SCN2A: variants seen among roughly 807,000 people sequenced by gnomAD.
SCN2A encodes sodium channel protein type 2 subunit alpha.
In SCN2A, 20 loss-of-function variants were observed where a neutral mutation model predicts 188.7. The observed-to-expected ratio is 0.11, with a 90% CI of 0.07 to 0.15. The LOEUF is 0.15. Ranked by LOEUF, SCN2A falls within the 10% of genes least tolerant of loss-of-function variation. The pLI is 1.00. For missense variants in SCN2A, 1,278 were observed against 2,445.0 expected (o/e 0.52, Z 10.07); for synonymous variants, 804 against 833.1 (o/e 0.97, Z 0.60).
chr2:165,282,791 T>A (rs1695637995), intron 1 of SCN2A, among the ~76,000 whole-genome samples: 1 of 152,150 alleles, frequency 6.6e-6, no homozygotes, highest in Non-Finnish European at 1.5e-5. Context: ...TCTAAGTGAA[T>A]GATGGTGGCA....
intron 1 of SCN2A, chr2:165,273,049 C>A (rs1167383708): frequency 6.6e-6 from 1 of 152,048 alleles, no homozygotes; most frequent in Non-Finnish European, 1.5e-5. Context: ...GTAACAAAGT[C>A]ATTGGATCTT....
At chr2:165,290,966 T>A (rs1696070244) in intron 1 of SCN2A, among the ~76,000 whole-genome samples, 1 of 152,104 alleles carries the variant, frequency 6.6e-6, no homozygotes, top group Non-Finnish European at 1.5e-5. Flanking sequence ...TTCCCCCTTA[T>A]TCCAGTAATA....
chr2:165,323,557 G>T, intron 12 of SCN2A, 57 bp downstream of exon 12: 1 of 1,485,516 alleles, frequency 6.7e-7, no homozygotes, highest in Middle Eastern at 1.7e-4. Flanking sequence ...GTGCAGGCAG[G>T]AGTGTTTTTC....
At chr2:165,294,357 G>T (rs936313553) in intron 1 of SCN2A, among the ~76,000 whole-genome samples, 2 of 152,068 alleles carry the variant, frequency 1.3e-5, no homozygotes, top group Non-Finnish European at 2.9e-5. Context: ...AGGCATGAGG[G>T]TCTCTAGGAA....
At chr2:165,337,756 A>G (rs1011630126) in intron 14 of SCN2A, among the ~76,000 whole-genome samples, 1 of 149,122 alleles carries the variant, frequency 6.7e-6, no homozygotes, top group South Asian at 2.1e-4. Flanking sequence ...AAAAACCTAA[A>G]AAAGCTGTTA....
At chr2:165,302,762 C>T (rs1574540410) in intron 3 of SCN2A, among the ~76,000 whole-genome samples, 1 of 152,284 alleles carries the variant, frequency 6.6e-6, no homozygotes, top group Non-Finnish European at 1.5e-5. Context: ...TTCATCCTCG[C>T]TCCACGGAGA....
Position 165,310,560 on chromosome 2 carries a change from G to C in SCN2A, c.935G>C (p.Ser312Thr). 4 of 1,612,248 alleles carry C rather than the reference G, an allele frequency of 2.5e-6. No individual in the cohort carries two copies. The highest frequency in any genetic ancestry group is 3.4e-6 in the Non-Finnish European group (4 of 1,178,660). Residue 312 changes from serine (S) to threonine (T), a missense_variant, in exon 7 of 27, where the codon AGC becomes ACC. Transcript: ENST00000375437. ...GGTACTACTTTCAATAGGACAGTGA[G>C]CATATTTAACTGGGATGAATATATT... ...GNGTTFNRTV[S>T]IFNWDEYIED...
In SCN2A at chr2:165,313,613, A is replaced by C. The variant is rs558800241; in HGVS notation, c.1035-7A>C. Reference sequence around the variant, plus strand: ...GACTTCCTTTCTTTCCTCTAACCTAATTATAGCCAGTGTCCTGAAGGATAC... The same window carrying C: ...GACTTCCTTTCTTTCCTCTAACCTACTTATAGCCAGTGTCCTGAAGGATAC... On this transcript the variant is annotated splice_polypyrimidine_tract_variant and splice_region_variant and intron_variant, in intron 8 of 26. Transcript: ENST00000375437. The C allele has an allele frequency of 7.7e-5, 124 of 1,613,244 alleles. 2 individuals carry two copies. In the South Asian group the frequency reaches 1.3e-3, roughly 17 times the overall value.
chr2:165,299,675 C>A (rs1696698525), intron 3 of SCN2A, among the ~76,000 whole-genome samples: 1 of 152,186 alleles, frequency 6.6e-6, no homozygotes, highest in African/African-American at 2.4e-5. Flanking sequence ...AACTGATTTT[C>A]ACAATAATTT....
In SCN2A at chr2:165,309,391, G is replaced by C. The variant is rs370724112; in HGVS notation, c.645G>C (p.Ala215=). 8 of 1,613,558 alleles carry C rather than the reference G, an allele frequency of 5.0e-6. No homozygotes were observed. In the Admixed American group the frequency reaches 1.3e-4, roughly 27 times the overall value. ...TTGTGGACCTGGGCAATGTCTCAGC[G>C]TTGAGAACATTCAGAGTTCTCCGAG... ...TEFVDLGNVS[A]LRTFRVLRAL... is the part of the protein sequence containing the mutation. The change falls in exon 6 of 27, where the codon GCG becomes GCC. Residue 215 remains alanine, a synonymous_variant. Transcript: ENST00000375437.
At chr2:165,267,039 C>T (rs1030272945) in intron 1 of SCN2A, 3 of 151,890 alleles carry the variant, frequency 2.0e-5, no homozygotes, top group South Asian at 4.1e-4. Flanking sequence ...CCCGTGTTAA[C>T]GAGTGGAAAG....
intron 1 of SCN2A, among the ~76,000 whole-genome samples, chr2:165,280,533 G>A (rs912316141): frequency 6.6e-6 from 1 of 152,066 alleles, no homozygotes; most frequent in Non-Finnish European, 1.5e-5. Flanking sequence ...TTCCACTTCA[G>A]CACCAAGTCT....
intron 1 of SCN2A, among the ~76,000 whole-genome samples, chr2:165,282,612 T>G (rs1267957596): frequency 1.3e-5 from 2 of 152,170 alleles, no homozygotes; most frequent in African/African-American, 4.8e-5. Context: ...AGACAGGTCT[T>G]GCTATGTTGC....
At chr2:165,308,340 T>G (rs1302294543) in intron 4 of SCN2A, among the ~76,000 whole-genome samples, 3 of 152,264 alleles carry the variant, frequency 2.0e-5, no homozygotes, top group East Asian at 3.9e-4. Flanking sequence ...TACAAATGCT[T>G]CACTCATTTT....
intron 1 of SCN2A, among the ~76,000 whole-genome samples, chr2:165,263,832 T>C (rs1161415881): frequency 2.0e-5 from 3 of 152,156 alleles, no homozygotes; most frequent in Non-Finnish European, 4.4e-5. Flanking sequence ...GTGTTTGTAG[T>C]TTTCCTTGTA....
In SCN2A at chr2:165,389,748, C is replaced by T. The variant is rs752211376; in HGVS notation, c.5942C>T (p.Pro1981Leu). The change falls in exon 27 of 27, where the codon CCA (proline) becomes CTA (leucine). Residue 1981 changes from proline to leucine, a missense_variant. Around this residue, in one of 17 missense-constraint regions of SCN2A, gnomAD observed 109 missense variants for 137.9 expected, o/e 0.79. Coordinates refer to ENST00000375437, the MANE Select transcript of SCN2A (RefSeq NM_001040142.2). This position sits in a 1 kb window ranked among gnomAD's most constrained non-coding sequence, Gnocchi z 4.2. ...SPPSYDSVTK[P>L]EKEKFEKDKS... ...CCCTCGTATGATAGTGTGACCAAAC[C>T]AGAAAAAGAAAAATTTGAAAAAGAC... 1.2e-6 allele frequency: 2 copies of T among 1,612,972 alleles called. No individual in the cohort carries two copies. Among genetic ancestry groups the T allele is most frequent in the Non-Finnish European group, 1.7e-6 (2 of 1,179,684 alleles).
At chr2:165,374,642 G>T in intron 21 of SCN2A, 43 bp from the exon 22 acceptor site, 1 of 1,587,826 alleles carries the variant, frequency 6.3e-7, no homozygotes, top group Non-Finnish European at 8.6e-7. Context: ...GTAAATATTT[G>T]TTGTTGGCTT....
At chr2:165,303,971 G>T (rs1696980273) in intron 3 of SCN2A, among the ~76,000 whole-genome samples, 1 of 152,056 alleles carries the variant, frequency 6.6e-6, no homozygotes, top group African/African-American at 2.4e-5. Flanking sequence ...ACTATAAAGA[G>T]TAAGTTTTTA....
intron 11 of SCN2A, among the ~76,000 whole-genome samples, chr2:165,321,914 A>G (rs1326490637): frequency 1.3e-5 from 2 of 152,232 alleles, no homozygotes. Flanking sequence ...AGAGGAAAAG[A>G]TCAAACCAAT....
Sources: allele counts gnomAD v4.1 joint callset (sites outside exome capture counted in the v4.1 genomes callset), GRCh38; gene constraint gnomAD v4.1.1; regional missense constraint gnomAD v4.1.1; non-coding constraint Gnocchi (gnomAD v3.1); transcripts MANE v1.5; gene names NCBI Gene and HGNC (gene_info 2026-07-23, HGNC 2026-07-21).